Variants in RNF130 observed in about 807,000 individuals in gnomAD.
RNF130 encodes E3 ubiquitin-protein ligase RNF130.
RNF130 carries 21 observed loss-of-function variants against 44.6 expected under a neutral mutation model. That is an observed-to-expected ratio of 0.47 (90% CI 0.33 to 0.68). RNF130 has a LOEUF of 0.68. Ranked by LOEUF, RNF130 falls within the 30% of genes least tolerant of loss-of-function variation. RNF130 has a pLI of 0.02. For synonymous variants in RNF130, 214 were observed against 210.4 expected (o/e 1.02, Z -0.15); for missense variants, 479 against 560.6 (o/e 0.85, Z 1.47).
At chr5:180,047,877 T>C (rs1764603849) in intron 1 of RNF130, among the ~76,000 whole-genome samples, 1 of 152,204 alleles carries the variant, frequency 6.6e-6, no homozygotes, top group Admixed American at 6.5e-5. Context: ...CAGTCATTCT[T>C]TGGGTCTTTA....
exon 8 of RNF130, chr5:179,917,480 G>C (rs1252247060): frequency 2.0e-5 from 3 of 152,314 alleles, no homozygotes; most frequent in Non-Finnish European, 4.4e-5. Context: ...CTGGTGGCAA[G>C]ACTTGCAACC....
Position 180,071,725 on chromosome 5 carries a change from G to A in RNF130, c.-23C>T. 1.6e-6 allele frequency: 2 copies of A among 1,229,828 alleles called. No homozygotes were observed. The highest frequency in any genetic ancestry group is 1.6e-5 in the African/African-American group (1 of 63,084). 76.2% of individuals were successfully genotyped at this position (1,229,828 alleles called of 1,614,324 possible). A position where few individuals can be genotyped will look rare whatever the true frequency, so the allele number is the denominator to read the frequency against. On this transcript the variant is annotated 5_prime_UTR_variant, in exon 1 of 9. Coordinates refer to ENST00000521389, the MANE Select transcript of RNF130 (RefSeq NM_018434.6). The stretch of plus-strand genomic sequence containing the variant: ...CATCGTCCCTCCGGCAGCCGCCGCT[G>A]CTCGCGGACCGGGCTCCGGGGCCGG...
intron 2 of RNF130, among the ~76,000 whole-genome samples, chr5:180,039,589 A>G (rs1764357022): frequency 6.6e-6 from 1 of 152,192 alleles, no homozygotes; most frequent in Admixed American, 6.5e-5. Flanking sequence ...CCATTCTATC[A>G]AGATGTGTGG....
chr5:180,071,703 C>A lies in RNF130; in HGVS notation c.-1G>T. ...GGCCCGCCCGCCCCGCGCAGCTCATCGTCCCTCCGGCAGCCGCCGCTGCTC... is the reference window on the plus strand; with the variant it reads ...GGCCCGCCCGCCCCGCGCAGCTCATAGTCCCTCCGGCAGCCGCCGCTGCTC... On this transcript the variant is annotated 5_prime_UTR_variant, in exon 1 of 9. Transcript: ENST00000521389. 1 of 1,330,674 alleles carries A rather than the reference C, an allele frequency of 7.5e-7. No homozygotes were observed. Among genetic ancestry groups the A allele is most frequent in the Non-Finnish European group, 9.6e-7 (1 of 1,038,430 alleles). The allele number at this position is 1,330,674 out of a possible 1,614,324, so 82.4% of individuals were successfully genotyped here. A position where few individuals can be genotyped will look rare whatever the true frequency, so the allele number is the denominator to read the frequency against.
Position 179,926,532 on chromosome 5 carries a change from C to T in RNF130, c.1151-6106G>A, listed in dbSNP as rs539271195. On this transcript the variant is annotated intron_variant, in intron 7 of 7. Coordinates refer to the RNF130 transcript ENST00000522208. ...GGTGTGGTGGCGCATGCCTGTAATC[C>T]CAGTTACTCGGGAGGCTGAGCAGGG... Among the ~76,000 whole-genome samples, 195 of 124,406 alleles carry T rather than the reference C, an allele frequency of 1.6e-3. 1 individual carries two copies. Among genetic ancestry groups the T allele is most frequent in the African/African-American group, 7.1e-3 (190 of 26,790 alleles). The allele number at this position is 124,406 out of a possible 152,430, so 81.6% of individuals were successfully genotyped here. A position where few individuals can be genotyped will look rare whatever the true frequency, so the allele number is the denominator to read the frequency against.
chr5:180,022,721 T>G (rs897826742), intron 2 of RNF130, among the ~76,000 whole-genome samples: 1 of 152,204 alleles, frequency 6.6e-6, no homozygotes, highest in Non-Finnish European at 1.5e-5. Flanking sequence ...CACAAACCTT[T>G]GCTATACTAG....
intron 2 of RNF130, among the ~76,000 whole-genome samples, chr5:180,021,410 T>C (rs918618524): frequency 2.6e-5 from 4 of 152,158 alleles, no homozygotes; most frequent in African/African-American, 9.7e-5. Context: ...AGGTACATCA[T>C]TATGTATCAT....
At chr5:180,005,114 A>G (rs1275906534) in intron 3 of RNF130, among the ~76,000 whole-genome samples, 4 of 152,094 alleles carry the variant, frequency 2.6e-5, no homozygotes, top group East Asian at 3.9e-4. Flanking sequence ...AAAGAATTGT[A>G]TATCACTCCA....
At chr5:180,053,022 T>C (rs1205716845) in intron 1 of RNF130, among the ~76,000 whole-genome samples, 2 of 152,132 alleles carry the variant, frequency 1.3e-5, no homozygotes, top group East Asian at 1.9e-4. Flanking sequence ...GTCAAGATAA[T>C]GTACGTCCTT....
chr5:179,915,744 C>G (rs1012984278), exon 8 of RNF130: 3 of 152,318 alleles, frequency 2.0e-5, no homozygotes, highest in Non-Finnish European at 2.9e-5. Context: ...GTCTCCCTGG[C>G]AAGCCTTCCC....
chr5:179,922,454 A>G (rs1040047469), intron 7 of RNF130, among the ~76,000 whole-genome samples: 6 of 152,028 alleles, frequency 3.9e-5, no homozygotes, highest in African/African-American at 1.4e-4. Context: ...CTGAGATTAC[A>G]GGCGTGGGCC....
chr5:180,012,123 C>G (rs1763607909), intron 3 of RNF130, among the ~76,000 whole-genome samples: 1 of 152,104 alleles, frequency 6.6e-6, no homozygotes, highest in Non-Finnish European at 1.5e-5. Flanking sequence ...AACTGTCCAA[C>G]AGGGTGAGGG....
chr5:180,056,477 T>G (rs1395154778), intron 1 of RNF130, among the ~76,000 whole-genome samples: 1 of 152,052 alleles, frequency 6.6e-6, no homozygotes, highest in African/African-American at 2.4e-5. Context: ...AGTAATTACT[T>G]AGATATGGGA....
intron 1 of RNF130, among the ~76,000 whole-genome samples, chr5:180,068,125 T>A (rs777104937): frequency 2.0e-5 from 3 of 152,226 alleles, no homozygotes; most frequent in Non-Finnish European, 4.4e-5. Flanking sequence ...CCAGCACATC[T>A]GCATACATAA....
rs1370723550 is a variant in RNF130, at chr5:179,955,127, G to C, written c.*527C>G. ...TGCAAAGCACTCTGTTGGGTGCAGG[G>C]GCACAGTGGGGAGCAAATGTTACAA... On this transcript the variant is annotated 3_prime_UTR_variant, in exon 9 of 9. Transcript: ENST00000521389. 6.6e-6 allele frequency: 1 copy of C among 152,620 alleles called. No individual in the cohort carries two copies. Among genetic ancestry groups the C allele is most frequent in the Non-Finnish European group, 1.5e-5 (1 of 68,336 alleles). 9.5% of individuals were successfully genotyped at this position (152,620 alleles called of 1,614,324 possible).
chr5:179,940,563 T>C (rs549684784), intron 7 of RNF130, among the ~76,000 whole-genome samples: 1 of 152,296 alleles, frequency 6.6e-6, no homozygotes, highest in East Asian at 1.9e-4. Context: ...AAATGGTTAC[T>C]TTTATGTTAT....
chr5:180,057,218 G>A lies in RNF130; in HGVS notation c.247+14238C>T, dbSNP rs115398612. Among the ~76,000 whole-genome samples the A allele has an allele frequency of 7.8e-3, 1,193 of 152,350 alleles. 18 individuals carry two copies. Among genetic ancestry groups the A allele is most frequent in the African/African-American group, 0.028 (1,155 of 41,588 alleles). ...TCTGGGGAGGGGCAAGGGGCTAAAG[G>A]TTGAGCCAATCCAATGGCCAATGAC... On this transcript the variant is annotated intron_variant, in intron 1 of 8. Transcript: ENST00000521389.
chr5:180,000,489 C>T (rs1763306834), intron 3 of RNF130, among the ~76,000 whole-genome samples: 2 of 152,180 alleles, frequency 1.3e-5, no homozygotes, highest in Admixed American at 6.5e-5. Flanking sequence ...TTTTTAATGC[C>T]TTTCCCCTTC....
intron 6 of RNF130, among the ~76,000 whole-genome samples, chr5:179,970,177 A>G (rs1446625786): frequency 6.6e-6 from 1 of 152,094 alleles, no homozygotes; most frequent in Non-Finnish European, 1.5e-5. Flanking sequence ...AAAGAAAAAA[A>G]AAGGCCTAGT....
Sources: gnomAD v4.1 joint callset for allele counts (sites outside exome capture counted in the v4.1 genomes callset) on GRCh38, gnomAD v4.1.1 for gene constraint, MANE v1.5 for transcripts, NCBI Gene and HGNC (gene_info 2026-07-23, HGNC 2026-07-21) for gene names.